LSAMP: variants seen among roughly 807,000 people sequenced by gnomAD.
LSAMP encodes the protein limbic system-associated membrane protein.
A neutral mutation model predicts 38.6 loss-of-function variants in LSAMP; 7 were observed. The ratio of observed to expected loss-of-function variants is 0.18; its 90% CI spans 0.10 to 0.34. The LOEUF is 0.34. Ranked by LOEUF, LSAMP falls within the 10% of genes least tolerant of loss-of-function variation. LSAMP has a pLI of 1.00. For missense variants in LSAMP, 313 were observed against 420.0 expected (o/e 0.75, Z 2.23); for synonymous variants, 154 against 166.8 (o/e 0.92, Z 0.59).
At chr3:116,079,495 A>G (rs1406354366) in intron 2 of LSAMP, among the ~76,000 whole-genome samples, 2 of 152,144 alleles carry the variant, frequency 1.3e-5, no homozygotes, top group Admixed American at 6.6e-5. Flanking sequence ...TCTACTAAAA[A>G]TACGAAAATT....
At chr3:116,322,013 G>T (rs2047712919) in intron 1 of LSAMP, among the ~76,000 whole-genome samples, 1 of 152,118 alleles carries the variant, frequency 6.6e-6, no homozygotes, top group Non-Finnish European at 1.5e-5. Flanking sequence ...AATTGTTCAA[G>T]GAAAACATGG....
chr3:115,924,580 T>C (rs1937456723), intron 3 of LSAMP, among the ~76,000 whole-genome samples: 2 of 152,230 alleles, frequency 1.3e-5, no homozygotes, highest in South Asian at 4.1e-4. Flanking sequence ...TGCCTCATTA[T>C]ATGTTTAAAA....
At chr3:116,273,756 A>C (rs1284217643) in intron 1 of LSAMP, among the ~76,000 whole-genome samples, 5 of 141,852 alleles carry the variant, frequency 3.5e-5, no homozygotes, top group South Asian at 2.2e-4. Context: ...ATATATATAA[A>C]ATTTTTATTT....
At chr3:115,880,044 A>G (rs913244698) in intron 3 of LSAMP, among the ~76,000 whole-genome samples, 1 of 152,206 alleles carries the variant, frequency 6.6e-6, no homozygotes, top group South Asian at 2.1e-4. Flanking sequence ...AAGATCTTAC[A>G]GATTTGAATA....
chr3:116,062,844 T>C (rs1941621978), intron 2 of LSAMP, among the ~76,000 whole-genome samples: 1 of 152,170 alleles, frequency 6.6e-6, no homozygotes, highest in Non-Finnish European at 1.5e-5. Context: ...TTAAGTTGGG[T>C]AACACTGTGT....
chr3:116,278,389 C>A (rs2047082008), intron 1 of LSAMP, among the ~76,000 whole-genome samples: 1 of 151,974 alleles, frequency 6.6e-6, no homozygotes, highest in Non-Finnish European at 1.5e-5. Context: ...GATTTTTTTA[C>A]TGCTTGTTCT....
At chr3:116,163,342 T>C (rs1366116597) in intron 1 of LSAMP, among the ~76,000 whole-genome samples, 1 of 151,386 alleles carries the variant, frequency 6.6e-6, no homozygotes, top group Non-Finnish European at 1.5e-5. Context: ...TTTTTGTTCT[T>C]GTGATAGTTT....
At chr3:116,186,204 T>A (rs1189216996) in intron 1 of LSAMP, among the ~76,000 whole-genome samples, 1 of 152,102 alleles carries the variant, frequency 6.6e-6, no homozygotes, top group African/African-American at 2.4e-5. Flanking sequence ...GAAGTCTTCA[T>A]GAAAGGGCAG....
intron 1 of LSAMP, among the ~76,000 whole-genome samples, chr3:116,307,476 A>T (rs2047498931): frequency 6.6e-6 from 1 of 151,968 alleles, no homozygotes; most frequent in African/African-American, 2.4e-5. Context: ...ATAATCCAAA[A>T]TAGAGTGCAT....
chr3:115,964,774 A>G (rs1938744052), intron 3 of LSAMP, among the ~76,000 whole-genome samples: 1 of 152,144 alleles, frequency 6.6e-6, no homozygotes, highest in African/African-American at 2.4e-5. Flanking sequence ...TATTTCTAAA[A>G]AGGTAACATT....
At chr3:116,396,505 C>T (rs2048769855) in intron 1 of LSAMP, among the ~76,000 whole-genome samples, 2 of 152,220 alleles carry the variant, frequency 1.3e-5, no homozygotes, top group African/African-American at 2.4e-5. Context: ...TTGGTACTCA[C>T]ATACTTTGTA....
chr3:116,208,379 C>T (rs1297527779), intron 1 of LSAMP, among the ~76,000 whole-genome samples: 1 of 151,960 alleles, frequency 6.6e-6, no homozygotes, highest in Non-Finnish European at 1.5e-5. Context: ...ATTTGATTGT[C>T]TGAAGCCTTC....
At chr3:116,407,799 C>T (rs112210248) in intron 1 of LSAMP, among the ~76,000 whole-genome samples, 2 of 152,116 alleles carry the variant, frequency 1.3e-5, no homozygotes, top group African/African-American at 4.8e-5. Context: ...TCCCATGTGG[C>T]CACTGACGGT....
chr3:115,820,392 G>A (rs751654395), intron 6 of LSAMP, among the ~76,000 whole-genome samples: 2 of 152,140 alleles, frequency 1.3e-5, no homozygotes, highest in African/African-American at 4.8e-5. Flanking sequence ...ACACAACACT[G>A]GGAGATTCTA....
At chr3:116,102,339 C>T (rs1708366422) in intron 1 of LSAMP, among the ~76,000 whole-genome samples, 1 of 152,180 alleles carries the variant, frequency 6.6e-6, no homozygotes, top group South Asian at 2.1e-4. Flanking sequence ...CTGTATATCA[C>T]ATCTGAATCT....
intron 3 of LSAMP, among the ~76,000 whole-genome samples, chr3:116,003,714 C>G (rs112389843): frequency 1.3e-5 from 2 of 152,186 alleles, no homozygotes; most frequent in East Asian, 3.9e-4. Context: ...CACACAGATA[C>G]AAAAACACAG....
intron 1 of LSAMP, among the ~76,000 whole-genome samples, chr3:116,140,457 A>T (rs986447959): frequency 6.6e-6 from 1 of 151,956 alleles, no homozygotes; most frequent in African/African-American, 2.4e-5. Flanking sequence ...ACGCGATGAG[A>T]TCCCACACCC....
intron 1 of LSAMP, among the ~76,000 whole-genome samples, chr3:116,171,043 T>C (rs1244170061): frequency 6.6e-6 from 1 of 152,184 alleles, no homozygotes; most frequent in African/African-American, 2.4e-5. Flanking sequence ...ATAAGATGAC[T>C]TGAGTTTGAA....
At chr3:116,168,877 T>C (rs996450904) in intron 1 of LSAMP, among the ~76,000 whole-genome samples, 1 of 152,178 alleles carries the variant, frequency 6.6e-6, no homozygotes, top group Non-Finnish European at 1.5e-5. Context: ...CTTACCATTG[T>C]CCTTTTTTAA....
Sources: allele counts gnomAD v4.1 joint callset (sites outside exome capture counted in the v4.1 genomes callset), GRCh38; gene constraint gnomAD v4.1.1; transcripts MANE v1.5; gene names NCBI Gene and HGNC (gene_info 2026-07-23, HGNC 2026-07-21).